The following GPATCH8 variants were observed in gnomAD, a reference collection of about 807,000 sequenced individuals.
GPATCH8 encodes the protein G-patch domain containing 8.
In GPATCH8, 18 loss-of-function variants were observed where a neutral mutation model predicts 118.3. That is an observed-to-expected ratio of 0.15 (90% confidence interval 0.11 to 0.23). The LOEUF is 0.23. Among genes scored for constraint, GPATCH8 ranks in the 10% least tolerant of loss-of-function variants. The pLI is 1.00. For missense variants in GPATCH8, 1,631 were observed against 1,873.8 expected, an observed-to-expected ratio of 0.87 and a Z score of 2.39; for synonymous variants, 659 against 684.7, an observed-to-expected ratio of 0.96 and a Z score of 0.59.
chr17:44,467,568 T>C (rs1250441027), intron 2 of GPATCH8, among the ~76,000 whole-genome samples: 2 of 152,158 alleles, frequency 1.3e-5, no homozygotes, highest in African/African-American at 2.4e-5. Flanking sequence ...ACAAAGGCAA[T>C]AGAAACAATA....
chr17:44,464,381 C>T, intron 3 of GPATCH8, 91 bp downstream of exon 3: 1 of 858,730 alleles, frequency 1.2e-6, no homozygotes, highest in South Asian at 1.3e-5. Flanking sequence ...AACCCAAGTA[C>T]TTTTTTAAAA....
chr17:44,399,891 C>G lies in GPATCH8; in HGVS notation c.2186G>C (p.Arg729Pro), dbSNP rs201098137. The G allele has an allele frequency of 9.1e-5, 147 of 1,613,814 alleles. No homozygotes were observed. The highest frequency in any genetic ancestry group is 1.2e-4 in the Non-Finnish European group (145 of 1,179,976). Residue 729 changes from arginine (R) to proline (P), a missense_variant, in exon 8 of 8, where the codon CGA becomes CCA. Coordinates refer to ENST00000591680, the MANE Select transcript of GPATCH8 (RefSeq NM_001002909.4). ...NKSSAPADSERGPKPEPPGSG... is the reference protein window; with the variant it reads ...NKSSAPADSEPGPKPEPPGSG... ...CCCAGGGGGTTCTGGTTTGGGTCCT[C>G]GTTCAGAATCTGCTGGGGCTGATGA... is the stretch of plus-strand genomic sequence containing the variant.
In GPATCH8 at chr17:44,398,293, G is replaced by C; in HGVS notation, c.3784C>G (p.Pro1262Ala). The change falls in exon 8 of 8, where the codon CCA (proline) becomes GCA (alanine). Residue 1262 changes from proline (P) to alanine (A), a missense_variant. Pro to Ala is a conservative substitution (Grantham distance 27). This residue lies in a region of GPATCH8 where 922 missense variants were observed against 879.7 expected (regional missense o/e 1.05). Coordinates refer to ENST00000591680, the MANE Select transcript of GPATCH8 (RefSeq NM_001002909.4). Reference sequence around the variant, plus strand: ...AGCAAGCTGGACTCCACAGGGCCTGGCTGACTGCTGCTATCCAGGGACTCC... The same window carrying C: ...AGCAAGCTGGACTCCACAGGGCCTGCCTGACTGCTGCTATCCAGGGACTCC... ...TLESLDSSSQPGPVESSLLPI... is the reference protein window; with the variant it reads ...TLESLDSSSQAGPVESSLLPI... 6.2e-7 allele frequency: 1 copy of C among 1,613,858 alleles called. No individual in the cohort carries two copies. Among genetic ancestry groups the C allele is most frequent in the Non-Finnish European group, 8.5e-7 (1 of 1,179,866 alleles).
chr17:44,398,531 TG>T lies in GPATCH8; in HGVS notation c.3545del (p.Pro1182GlnfsTer22). 3.8e-6 allele frequency: 6 copies of T among 1,593,896 alleles called. No homozygotes were observed. The highest frequency in any genetic ancestry group is 1.8e-5 in the Admixed American group (1 of 56,822). The stretch of plus-strand genomic sequence containing the variant: ...GCCCAAATAGGGCATCACTACTCCC[TG>T]GGGGCCCCTCTTCTGTCTCTGACTG... The part of the protein sequence containing the change: ...QEQSETEEGP[P>X]GSSDALFGHQ... On this transcript the variant is annotated frameshift_variant, in exon 8 of 8. Transcript: ENST00000591680. LOFTEE classifies it high-confidence loss of function.
intron 2 of GPATCH8, among the ~76,000 whole-genome samples, chr17:44,468,751 A>C (rs1329134221): frequency 1.3e-5 from 2 of 152,132 alleles, no homozygotes; most frequent in Non-Finnish European, 2.9e-5. Context: ...TCTGGTTAAC[A>C]ACAAAGATAC....
chr17:44,491,486 CAAAAAAAA>C (rs1023934645), intron 1 of GPATCH8, among the ~76,000 whole-genome samples: 2 of 69,562 alleles, frequency 2.9e-5, no homozygotes, highest in Non-Finnish European at 6.1e-5. Flanking sequence ...GACTCCGTCT[CAAAAAAAA>C]AAAAAAAAAA....
In GPATCH8 at chr17:44,400,694, G is replaced by T. The variant is rs772237473; in HGVS notation, c.1383C>A (p.Val461=). The T allele has an allele frequency of 6.2e-7, 1 of 1,611,170 alleles. No individual in the cohort carries two copies. The highest frequency in any genetic ancestry group is 1.7e-4 in the Middle Eastern group (1 of 6,050). The part of the protein sequence containing the change: ...SQGAEKTVSE[V]SEQPKETSMT... ...TGCTGGTTTCCTTCGGCTGCTCAGA[G>T]ACTTCACTAACTGTCTTTTCTGCTC... The change falls in exon 8 of 8, where the codon GTC becomes GTA. Residue 461 remains valine, a synonymous_variant. Transcript: ENST00000591680.
chr17:44,433,939 G>A (rs1363995948), intron 5 of GPATCH8, among the ~76,000 whole-genome samples: 1 of 152,026 alleles, frequency 6.6e-6, no homozygotes, highest in Non-Finnish European at 1.5e-5. Flanking sequence ...AGGAGTTCGA[G>A]ACCAGCCTGG....
chr17:44,502,316 C>G (rs1250146458), intron 1 of GPATCH8, among the ~76,000 whole-genome samples: 1 of 151,304 alleles, frequency 6.6e-6, no homozygotes, highest in Non-Finnish European at 1.5e-5. Context: ...AGATTCATCC[C>G]GACCCAAATT....
chr17:44,492,297 C>A (rs866083326), intron 1 of GPATCH8, among the ~76,000 whole-genome samples: 816 of 76,000 alleles, frequency 0.011, 1 homozygote, highest in East Asian at 0.014. Context: ...TGAGACGTCT[C>A]AAAAAAAAAA....
chr17:44,397,386 C>G lies in GPATCH8; in HGVS notation c.*182G>C. Reference sequence around the variant, plus strand: ...AGAGGAGGACAGGAAAAAGAAATCCCTGATAGTAAACTGAAAGCAAACTTC... The same window carrying G: ...AGAGGAGGACAGGAAAAAGAAATCCGTGATAGTAAACTGAAAGCAAACTTC... On this transcript the variant is annotated 3_prime_UTR_variant, in exon 8 of 8. Coordinates refer to ENST00000591680, the MANE Select transcript of GPATCH8 (RefSeq NM_001002909.4). The G allele has an allele frequency of 1.4e-6, 1 of 698,474 alleles. No individual in the cohort carries two copies. The highest frequency in any genetic ancestry group is 2.6e-6 in the Non-Finnish European group (1 of 383,396). The allele number at this position is 698,474 out of a possible 1,614,324, so 43.3% of individuals were successfully genotyped here.
At chr17:44,405,514 GTT>G (rs11323148) in intron 7 of GPATCH8, among the ~76,000 whole-genome samples, 6 of 149,044 alleles carry the variant, frequency 4.0e-5, no homozygotes, top group African/African-American at 1.5e-4. Flanking sequence ...GGCCACTTTT[GTT>G]TTTTTTGAGA....
intron 6 of GPATCH8, among the ~76,000 whole-genome samples, chr17:44,422,990 C>T (rs969683532): frequency 2.0e-5 from 3 of 151,824 alleles, no homozygotes; most frequent in East Asian, 2.0e-4. Flanking sequence ...TGTCCACGGC[C>T]GGGCGCAGTG....
At chr17:44,465,909 GCT>G (rs773402856) in intron 2 of GPATCH8, 3 of 152,150 alleles carry the variant, frequency 2.0e-5, no homozygotes, top group Non-Finnish European at 4.4e-5. Context: ...CCTCCCGAAT[GCT>G]CTGTTTGTTT....
intron 6 of GPATCH8, among the ~76,000 whole-genome samples, chr17:44,422,804 CT>C (rs999542007): frequency 6.6e-6 from 1 of 151,146 alleles, no homozygotes; most frequent in Non-Finnish European, 1.5e-5. Context: ...ATTATAAATA[CT>C]TTGAAAAACT....
intron 2 of GPATCH8, among the ~76,000 whole-genome samples, chr17:44,467,743 C>G (rs1966912758): frequency 6.6e-6 from 1 of 152,116 alleles, no homozygotes; most frequent in Non-Finnish European, 1.5e-5. Flanking sequence ...GTATGGTCTC[C>G]CTTCCTATCA....
At chr17:44,401,836 T>C (rs1228235703) in intron 7 of GPATCH8, among the ~76,000 whole-genome samples, 1 of 151,818 alleles carries the variant, frequency 6.6e-6, no homozygotes, top group Non-Finnish European at 1.5e-5. Flanking sequence ...AAACCCTGTC[T>C]CTACTAAAAA....
At chr17:44,431,690 G>T (rs2050321160) in intron 5 of GPATCH8, among the ~76,000 whole-genome samples, 1 of 152,052 alleles carries the variant, frequency 6.6e-6, no homozygotes, top group Non-Finnish European at 1.5e-5. Flanking sequence ...AATAAAAATG[G>T]GAGGCTGAGG....
At chr17:44,451,767 T>C (rs2051119292) in intron 3 of GPATCH8, among the ~76,000 whole-genome samples, 1 of 152,212 alleles carries the variant, frequency 6.6e-6, no homozygotes, top group Non-Finnish European at 1.5e-5. Context: ...TCAAGTGCCC[T>C]ACGAGAATAT....
Sources: allele counts gnomAD v4.1 joint callset (sites outside exome capture counted in the v4.1 genomes callset), GRCh38; gene constraint gnomAD v4.1.1; regional missense constraint gnomAD v4.1.1; transcripts MANE v1.5; gene names NCBI Gene and HGNC (gene_info 2026-07-23, HGNC 2026-07-21).